FAAH2: variants seen among roughly 807,000 people sequenced by gnomAD.
FAAH2 encodes fatty acid amide hydrolase 2.
In FAAH2, 60 loss-of-function variants were observed where a neutral mutation model predicts 36.9. The ratio of observed to expected loss-of-function variants is 1.63; its 90% confidence interval spans 1.32 to 2.02. The LOEUF is 2.02. Among genes scored for constraint, FAAH2 ranks in the 30% most tolerant of loss-of-function variants. FAAH2 has a pLI of 0.00. For synonymous variants in FAAH2, 214 were observed against 143.8 expected (o/e 1.49, Z -3.49); for missense variants, 689 against 397.5 (o/e 1.73, Z -6.23).
intron 5 of FAAH2, among the ~76,000 whole-genome samples, chrX:57,366,166 T>C (rs1297009845): frequency 7.1e-5 from 8 of 111,971 alleles, no homozygotes; most frequent in Non-Finnish European, 3.8e-5. Flanking sequence ...TTTCCATCTG[T>C]GTGGGCTGAT....
At chrX:57,176,984 C>T in the FAAH2 span, among the ~76,000 whole-genome samples, 4 of 110,228 alleles carry the variant, frequency 3.6e-5, no homozygotes, top group Admixed American at 9.7e-5. Flanking sequence ...TCCCATAAAG[C>T]TTATCTTGTT....
the FAAH2 span, among the ~76,000 whole-genome samples, chrX:57,221,394 C>G: frequency 9.0e-6 from 1 of 111,066 alleles, no homozygotes; most frequent in Non-Finnish European, 1.9e-5. Flanking sequence ...CACCCTCAGT[C>G]GCAGGACACC....
chrX:57,172,924 T>G, the FAAH2 span, among the ~76,000 whole-genome samples: 1 of 112,049 alleles, frequency 8.9e-6, no homozygotes, highest in Non-Finnish European at 1.9e-5. Flanking sequence ...TCTGTGTTTT[T>G]ATAGGCACAG....
the FAAH2 span, among the ~76,000 whole-genome samples, chrX:57,193,607 G>A: frequency 9.0e-6 from 1 of 111,152 alleles, no homozygotes; most frequent in Non-Finnish European, 1.9e-5. Flanking sequence ...TGTCTCCCCC[G>A]GATGCCCAGC....
intron 7 of FAAH2, among the ~76,000 whole-genome samples, chrX:57,402,067 G>T (rs2055450703): frequency 9.0e-6 from 1 of 111,506 alleles, no homozygotes; most frequent in Non-Finnish European, 1.9e-5. Flanking sequence ...ATGTTCAGGA[G>T]ACAGTTAACC....
At chrX:57,328,798 G>A (rs1186168567) in intron 3 of FAAH2, among the ~76,000 whole-genome samples, 1 of 111,555 alleles carries the variant, frequency 9.0e-6, no homozygotes, top group Non-Finnish European at 1.9e-5. Context: ...CATTTGACTG[G>A]CTTCATTTCT....
chrX:57,379,475 T>C (rs1427678344), intron 6 of FAAH2, among the ~76,000 whole-genome samples: 2 of 109,675 alleles, frequency 1.8e-5, no homozygotes, highest in African/African-American at 6.6e-5. Context: ...CAGATCTTTG[T>C]TCCATTACTT....
chrX:57,211,003 T>C, the FAAH2 span, among the ~76,000 whole-genome samples: 8 of 111,970 alleles, frequency 7.1e-5, no homozygotes, highest in Non-Finnish European at 1.3e-4. Context: ...TGTATAATAG[T>C]CCTCAAAATT....
chrX:57,352,282 T>C (rs892481571), intron 5 of FAAH2, among the ~76,000 whole-genome samples: 1 of 104,364 alleles, frequency 9.6e-6, no homozygotes, highest in Non-Finnish European at 2.0e-5. Context: ...AAGTGGGTGT[T>C]ATACCAGGGA....
chrX:57,124,436 G>T, the FAAH2 span, among the ~76,000 whole-genome samples: 1 of 111,639 alleles, frequency 9.0e-6, no homozygotes, highest in African/African-American at 3.3e-5. Context: ...GTCAGGTAGC[G>T]TGATGCCTCC....
At chrX:57,376,714 G>C (rs770641667) in intron 5 of FAAH2, among the ~76,000 whole-genome samples, 5 of 111,804 alleles carry the variant, frequency 4.5e-5, no homozygotes, top group African/African-American at 1.6e-4. Context: ...GTTCTAGATC[G>C]TTGAGGAATC....
At chrX:57,345,448 G>T (rs2053797156) in intron 5 of FAAH2, among the ~76,000 whole-genome samples, 1 of 110,651 alleles carries the variant, frequency 9.0e-6, no homozygotes, top group South Asian at 3.8e-4. Flanking sequence ...AAACCACTGA[G>T]GATCTTTTGT....
intron 10 of FAAH2, among the ~76,000 whole-genome samples, chrX:57,471,908 G>T (rs1489319566): frequency 9.0e-6 from 1 of 111,024 alleles, no homozygotes; most frequent in Non-Finnish European, 1.9e-5. Context: ...CAGACCAATG[G>T]AACAGAACAG....
intron 10 of FAAH2, among the ~76,000 whole-genome samples, chrX:57,485,096 C>T (rs964610455): frequency 8.9e-6 from 1 of 111,826 alleles, no homozygotes; most frequent in Non-Finnish European, 1.9e-5. Context: ...GTGGACCTTT[C>T]ATTGGGTAGG....
At chrX:57,429,194 C>T (rs1223295290) in intron 7 of FAAH2, among the ~76,000 whole-genome samples, 3 of 109,606 alleles carry the variant, frequency 2.7e-5, no homozygotes, top group African/African-American at 6.6e-5. Context: ...AAAAAATTAG[C>T]TGGGCGTGGT....
intron 8 of FAAH2, among the ~76,000 whole-genome samples, chrX:57,439,675 A>C (rs367890498): frequency 3.3e-4 from 37 of 111,599 alleles, no homozygotes; most frequent in African/African-American, 6.5e-4. Context: ...AAGTCCTTGC[A>C]CATGCCTATG....
the FAAH2 span, among the ~76,000 whole-genome samples, chrX:57,190,808 G>A: frequency 1.8e-4 from 20 of 110,243 alleles, no homozygotes; most frequent in Non-Finnish European, 3.0e-4. Context: ...TGTTGGTCTC[G>A]CTGGGAGCTG....
At chrX:57,448,924 A>G (rs1265657333) in intron 10 of FAAH2, among the ~76,000 whole-genome samples, 1 of 111,895 alleles carries the variant, frequency 8.9e-6, no homozygotes, top group African/African-American at 3.2e-5. Context: ...CAATAATCCT[A>G]CAAGTGCATA....
chrX:57,377,623 A>T (rs2054719175), intron 5 of FAAH2, among the ~76,000 whole-genome samples: 1 of 112,337 alleles, frequency 8.9e-6, no homozygotes, highest in Admixed American at 9.4e-5. Context: ...TGTCTTGGCT[A>T]AATGGGCTCA....
Sources: allele counts gnomAD v4.1 joint callset (sites outside exome capture counted in the v4.1 genomes callset), GRCh38; gene constraint gnomAD v4.1.1; transcripts MANE v1.5; gene names NCBI Gene and HGNC (gene_info 2026-07-23, HGNC 2026-07-21).